Variants in TRIO observed in about 807,000 individuals in gnomAD.
TRIO encodes trio Rho guanine nucleotide exchange factor, also known as triple functional domain protein.
In TRIO, 58 loss-of-function variants were observed where a neutral mutation model predicts 351.9. The observed-to-expected ratio is 0.16, with a 90% CI of 0.13 to 0.21. TRIO has a LOEUF of 0.21. TRIO is among the 10% of genes least tolerant of loss of function. The pLI is 1.00. For missense variants in TRIO, 3,201 were observed against 4,027.8 expected (o/e 0.79, Z 5.56); for synonymous variants, 1,758 against 1,595.7 (o/e 1.10, Z -2.42).
chr5:14,506,975 G>A lies in TRIO; in HGVS notation c.8613-147G>A, dbSNP rs1250852252. 3.6e-6 allele frequency: 4 copies of A among 1,115,598 alleles called. No homozygotes were observed. The African/African-American group carries it at 6.5e-5, about 18-fold the overall frequency. 69.1% of individuals were successfully genotyped at this position (1,115,598 alleles called of 1,614,324 possible). On this transcript the variant is annotated intron_variant, in intron 55 of 56. Transcript: ENST00000344204. ...AGAGCTTTACAAAATCCCCCTCCTT[G>A]TCTAGTCACGCCTTAGAGGCACGGC... is the stretch of plus-strand genomic sequence containing the variant.
chr5:14,507,220 G>A lies in TRIO; in HGVS notation c.8711G>A (p.Arg2904Gln), dbSNP rs182365882. 1.5e-5 allele frequency: 24 copies of A among 1,611,778 alleles called. No individual in the cohort carries two copies. In the East Asian group the frequency reaches 2.7e-4, roughly 18 times the overall value. ...CTGGGGGAGGTTCTGGAAGCTGTCCGGTACCTGCACAACTGCAGGATAGCA... is the reference window on the plus strand; with the variant it reads ...CTGGGGGAGGTTCTGGAAGCTGTCCAGTACCTGCACAACTGCAGGATAGCA... Reference protein sequence around the residue: ...AHLGEVLEAVRYLHNCRIAHL... With the variant: ...AHLGEVLEAVQYLHNCRIAHL... Residue 2904 changes from arginine (R) to glutamine (Q), a missense_variant, in exon 56 of 57, where the codon CGG becomes CAG. Physicochemically the swap from Arg to Gln is conservative, Grantham distance 43. Transcript: ENST00000344204.
chr5:14,242,244 C>A (rs982548519), intron 1 of TRIO, among the ~76,000 whole-genome samples: 8 of 152,212 alleles, frequency 5.3e-5, no homozygotes, highest in African/African-American at 1.9e-4. Flanking sequence ...CGTTGACTAA[C>A]AGAAAGCTCT....
intron 34 of TRIO, among the ~76,000 whole-genome samples, chr5:14,431,367 C>T (rs890361469): frequency 8.5e-5 from 13 of 152,352 alleles, no homozygotes; most frequent in African/African-American, 2.6e-4. Context: ...TCTAGCCAAA[C>T]GTAGGACAGG....
intron 1 of TRIO, among the ~76,000 whole-genome samples, chr5:14,216,552 G>T (rs941126843): frequency 3.3e-5 from 5 of 152,208 alleles, no homozygotes; most frequent in Non-Finnish European, 7.3e-5. Flanking sequence ...GAAATAACTT[G>T]TGGTCTGTTC....
At chr5:14,492,427 T>C in intron 48 of TRIO, 140 bp from the exon 49 acceptor site, 3 of 1,131,488 alleles carry the variant, frequency 2.7e-6, no homozygotes, top group African/African-American at 3.1e-5. Flanking sequence ...AAAGGAAATG[T>C]TGAAAATTTC....
intron 34 of TRIO, among the ~76,000 whole-genome samples, chr5:14,437,699 C>A (rs1385815384): frequency 1.4e-5 from 2 of 144,526 alleles, no homozygotes; most frequent in Admixed American, 6.9e-5. Flanking sequence ...CCCCCCGCCC[C>A]AAGGACCTCA....
chr5:14,396,443 C>CTTTTTTTTTTTTTTTTTTTTTTTTTT lies in TRIO; in HGVS notation c.4312-581_4312-556dup, dbSNP rs1173121592. ...ATAATAATTAAATATTTCTATTTATCTTTTTTTTTTTTTTTTTTTTTTTTT... is the reference window on the plus strand; with the variant it reads ...ATAATAATTAAATATTTCTATTTATCTTTTTTTTTTTTTTTTTTTTTTTTTTTTTTTTTTTTTTTTTTTTTTTTTTT... On this transcript the variant is annotated intron_variant, in intron 28 of 56. Coordinates refer to ENST00000344204, the MANE Select transcript of TRIO (RefSeq NM_007118.4). Among the ~76,000 whole-genome samples the CTTTTTTTTTTTTTTTTTTTTTTTTTT allele has an allele frequency of 9.6e-5, 4 of 41,552 alleles. 1 individual carries two copies. Among genetic ancestry groups the CTTTTTTTTTTTTTTTTTTTTTTTTTT allele is most frequent in the East Asian group, 1.3e-3 (1 of 762 alleles). 27.3% of individuals were successfully genotyped at this position (41,552 alleles called of 152,430 possible).
chr5:14,481,520 C>T (rs375681002), intron 44 of TRIO, 21 bp from the exon 45 acceptor site: 21 of 1,613,444 alleles, frequency 1.3e-5, no homozygotes, highest in Non-Finnish European at 7.6e-6. Flanking sequence ...AGCTTTCACT[C>T]TTCTCTCTCC....
chr5:14,507,991 A>G lies in TRIO; in HGVS notation c.8863A>G (p.Asn2955Asp). The part of the protein sequence containing the change: ...TTYYIHQLLG[N>D]PEFAAPEIIL... The stretch of plus-strand genomic sequence containing the variant: ...CTACTACATCCACCAGTTACTGGGG[A>G]ACCCTGAATTCGCAGCCCCTGAAAT... Residue 2955 changes from asparagine to aspartate, a missense_variant, in exon 57 of 57, where the codon AAC (asparagine) becomes GAC (aspartate). This residue lies in a region of TRIO where 233 missense variants were observed against 292.6 expected (regional missense o/e 0.80). Coordinates refer to ENST00000344204, the MANE Select transcript of TRIO (RefSeq NM_007118.4). 1 of 1,614,156 alleles carries G rather than the reference A, an allele frequency of 6.2e-7. No individual in the cohort carries two copies. Among genetic ancestry groups the G allele is most frequent in the Non-Finnish European group, 8.5e-7 (1 of 1,180,024 alleles).
At chr5:14,251,033 A>T (rs1794712408) in intron 1 of TRIO, among the ~76,000 whole-genome samples, 1 of 151,822 alleles carries the variant, frequency 6.6e-6, no homozygotes, top group Non-Finnish European at 1.5e-5. Context: ...GATCCCCATT[A>T]TTTTTTTCTT....
rs1746774984 is a variant in TRIO, at chr5:14,388,695, T to TC, written c.3948+16_3948+17insC. The stretch of plus-strand genomic sequence containing the variant: ...ATGTATGGATGTAAGTAAGTTTTTT[T>TC]TTTTTTTTTTTGCTTGTTTATTTAG... On this transcript the variant is annotated intron_variant, in intron 24 of 56. Coordinates refer to ENST00000344204, the MANE Select transcript of TRIO (RefSeq NM_007118.4). The TC allele has an allele frequency of 6.2e-7, 1 of 1,600,960 alleles. No homozygotes were observed. Among genetic ancestry groups the TC allele is most frequent in the African/African-American group, 1.4e-5 (1 of 73,462 alleles).
At chr5:14,473,618 A>T (rs1754838055) in intron 39 of TRIO, among the ~76,000 whole-genome samples, 1 of 152,262 alleles carries the variant, frequency 6.6e-6, no homozygotes, top group Non-Finnish European at 1.5e-5. Flanking sequence ...CAAAAAGAAA[A>T]GAAAATCTTT....
At chr5:14,274,610 AC>A (rs892829575) in intron 2 of TRIO, among the ~76,000 whole-genome samples, 1 of 152,186 alleles carries the variant, frequency 6.6e-6, no homozygotes, top group African/African-American at 2.4e-5. Flanking sequence ...ATCACCACTT[AC>A]TTGATTGTCC....
intron 1 of TRIO, among the ~76,000 whole-genome samples, chr5:14,182,862 A>ACCCC (rs33945464): frequency 1.1e-4 from 7 of 61,718 alleles, no homozygotes; most frequent in Admixed American, 1.5e-4. Flanking sequence ...TACAGTGGAG[A>ACCCC]CCCCCCCCCC....
At chr5:14,386,835 G>T (rs1371688921) in intron 21 of TRIO, among the ~76,000 whole-genome samples, 1 of 151,636 alleles carries the variant, frequency 6.6e-6, no homozygotes, top group Non-Finnish European at 1.5e-5. Flanking sequence ...AAAATTTACA[G>T]TACCTCTATA....
intron 26 of TRIO, 30 bp downstream of exon 26, chr5:14,390,330 C>G: frequency 6.2e-7 from 1 of 1,607,688 alleles, no homozygotes; most frequent in Non-Finnish European, 8.5e-7. Context: ...TTGTTCTCTC[C>G]CAGCTATTAG....
At chr5:14,164,693 C>T (rs26284) in intron 1 of TRIO, among the ~76,000 whole-genome samples, 46,775 of 151,980 alleles carry the variant, frequency 0.31, 7,657 homozygotes, top group East Asian at 0.47. Flanking sequence ...TAAACTTTTA[C>T]CTTTGGTCAA....
intron 11 of TRIO, among the ~76,000 whole-genome samples, chr5:14,338,485 A>G (rs1206516041): frequency 6.6e-6 from 1 of 152,114 alleles, no homozygotes; most frequent in Non-Finnish European, 1.5e-5. Context: ...GCACCTGTTA[A>G]CGGCAGTTGT....
chr5:14,417,746 C>A (rs1340423769), intron 33 of TRIO, among the ~76,000 whole-genome samples: 1 of 152,262 alleles, frequency 6.6e-6, no homozygotes, highest in Non-Finnish European at 1.5e-5. Flanking sequence ...GAGTGAGCTC[C>A]TGAAGCCAGT....
Sources: gnomAD v4.1 joint callset for allele counts (sites outside exome capture counted in the v4.1 genomes callset) on GRCh38, gnomAD v4.1.1 for gene constraint, gnomAD v4.1.1 regional missense constraint, MANE v1.5 for transcripts, NCBI Gene and HGNC (gene_info 2026-07-23, HGNC 2026-07-21) for gene names.